Variants in SUPT3H observed in about 807,000 individuals in gnomAD.
SUPT3H encodes SPT3 homolog, SAGA and STAGA complex component.
A neutral mutation model predicts 44.3 loss-of-function variants in SUPT3H; 44 were observed. That is an observed-to-expected ratio of 0.99 (90% CI 0.78 to 1.28). The LOEUF is 1.28. Ranked by LOEUF, SUPT3H falls within the 50% of genes most tolerant of loss-of-function variation. The probability of loss-of-function intolerance (pLI) is 0.00; values close to 1 mark genes in which losing one functional copy is unlikely to be tolerated. For synonymous variants in SUPT3H, 124 were observed against 125.6 expected (o/e 0.99, Z 0.09); for missense variants, 380 against 387.1 (o/e 0.98, Z 0.15).
At chr6:44,843,224 A>T (rs903736879) in intron 10 of SUPT3H, among the ~76,000 whole-genome samples, 4 of 152,214 alleles carry the variant, frequency 2.6e-5, no homozygotes, top group Non-Finnish European at 4.4e-5. Context: ...ACATACACAA[A>T]AATAGACAGG....
chr6:45,238,903 G>A (rs1769743257), intron 2 of SUPT3H, among the ~76,000 whole-genome samples: 1 of 152,088 alleles, frequency 6.6e-6, no homozygotes, highest in Non-Finnish European at 1.5e-5. Flanking sequence ...TTCCTAAAAT[G>A]AACTGTTTCA....
intron 10 of SUPT3H, among the ~76,000 whole-genome samples, chr6:44,923,623 A>G (rs1769073714): frequency 2.6e-5 from 4 of 152,104 alleles, no homozygotes; most frequent in African/African-American, 9.7e-5. Flanking sequence ...TGAAAGCAGG[A>G]AAGAGTAAAA....
chr6:45,053,537 G>A (rs1012915843), intron 3 of SUPT3H, among the ~76,000 whole-genome samples: 4 of 151,682 alleles, frequency 2.6e-5, no homozygotes, highest in African/African-American at 9.7e-5. Flanking sequence ...GAAAATAGCA[G>A]AGGCAGAAAG....
intron 2 of SUPT3H, among the ~76,000 whole-genome samples, chr6:45,172,052 G>A (rs1302295568): frequency 1.4e-5 from 2 of 146,824 alleles, no homozygotes; most frequent in East Asian, 4.1e-4. Flanking sequence ...CATTCCAATG[G>A]AATATGGTCA....
intron 10 of SUPT3H, among the ~76,000 whole-genome samples, chr6:44,892,148 AACTGT>A (rs1763405597): frequency 6.6e-6 from 1 of 152,180 alleles, no homozygotes; most frequent in Non-Finnish European, 1.5e-5. Context: ...CTATGGACTG[AACTGT>A]ATCCTTCCAA....
intron 10 of SUPT3H, among the ~76,000 whole-genome samples, chr6:44,917,343 G>A (rs1767974178): frequency 6.6e-6 from 1 of 152,044 alleles, no homozygotes; most frequent in Non-Finnish European, 1.5e-5. Context: ...ATTTGAGACT[G>A]TATACACATA....
intron 5 of SUPT3H, among the ~76,000 whole-genome samples, chr6:45,004,165 T>G (rs1782386564): frequency 6.6e-6 from 1 of 152,022 alleles, no homozygotes; most frequent in African/African-American, 2.4e-5. Context: ...TGAGTAAGGA[T>G]ATGCTAGGCA....
intron 2 of SUPT3H, among the ~76,000 whole-genome samples, chr6:45,146,461 A>G (rs952489245): frequency 3.9e-5 from 6 of 152,126 alleles, no homozygotes; most frequent in African/African-American, 1.4e-4. Flanking sequence ...GGGATAAAAG[A>G]GTATACACTG....
chr6:45,134,343 T>C (rs1803947890), intron 2 of SUPT3H, among the ~76,000 whole-genome samples: 1 of 152,218 alleles, frequency 6.6e-6, no homozygotes, highest in South Asian at 2.1e-4. Flanking sequence ...CGCAATACTG[T>C]TGCATTGGGA....
intron 2 of SUPT3H, among the ~76,000 whole-genome samples, chr6:45,350,743 GCT>G (rs1227125106): frequency 6.6e-6 from 1 of 152,130 alleles, no homozygotes; most frequent in Admixed American, 6.5e-5. Flanking sequence ...TTAAGGATAA[GCT>G]CTTTTTGTCA....
At chr6:45,377,416 AT>A (rs1796952851) in intron 1 of SUPT3H, 1 of 151,804 alleles carries the variant, frequency 6.6e-6, no homozygotes, top group African/African-American at 2.4e-5. Context: ...TCCCTCTTTA[AT>A]GATTCCTCCG....
At chr6:44,886,348 T>C (rs1222616714) in intron 10 of SUPT3H, among the ~76,000 whole-genome samples, 1 of 151,722 alleles carries the variant, frequency 6.6e-6, no homozygotes, top group Non-Finnish European at 1.5e-5. Flanking sequence ...AAGGAAAAAA[T>C]GTTAAGGGCA....
intron 2 of SUPT3H, among the ~76,000 whole-genome samples, chr6:45,270,527 T>C (rs1436937771): frequency 6.6e-6 from 1 of 152,202 alleles, no homozygotes; most frequent in Non-Finnish European, 1.5e-5. Flanking sequence ...CAGCCAACCA[T>C]GTAGCACGGG....
chr6:45,296,763 A>AAAAAAAAAAAG (rs773626169), intron 2 of SUPT3H, among the ~76,000 whole-genome samples: 2 of 125,034 alleles, frequency 1.6e-5, no homozygotes, highest in Non-Finnish European at 3.5e-5. Context: ...AAAAAAAAAA[A>AAAAAAAAAAAG]ATTACAAATA....
intron 10 of SUPT3H, among the ~76,000 whole-genome samples, chr6:44,845,629 A>G (rs965658364): frequency 6.6e-6 from 1 of 152,032 alleles, no homozygotes; most frequent in African/African-American, 2.4e-5. Flanking sequence ...GCCTATAAAA[A>G]CCTGAGACCC....
chr6:45,347,767 A>T (rs192736168), intron 2 of SUPT3H, among the ~76,000 whole-genome samples: 3,303 of 146,572 alleles, frequency 0.023, 38 homozygotes, highest in African/African-American at 0.026. Context: ...TCTTTTTTTT[A>T]AAAAAAAAAG....
At chr6:45,186,102 A>C (rs1342932503) in intron 2 of SUPT3H, among the ~76,000 whole-genome samples, 1 of 152,132 alleles carries the variant, frequency 6.6e-6, no homozygotes, top group Non-Finnish European at 1.5e-5. Flanking sequence ...GAACATCCAC[A>C]TCCTATCTGT....
chr6:45,255,446 T>G (rs953456844), intron 2 of SUPT3H, among the ~76,000 whole-genome samples: 2 of 133,256 alleles, frequency 1.5e-5, no homozygotes, highest in African/African-American at 5.6e-5. Flanking sequence ...TTCAGTCAGG[T>G]TCTCGCTCTC....
chr6:45,327,076 T>C (rs1418707759), intron 2 of SUPT3H, among the ~76,000 whole-genome samples: 1 of 151,942 alleles, frequency 6.6e-6, no homozygotes, highest in Non-Finnish European at 1.5e-5. Flanking sequence ...GCCTATGATA[T>C]ATAATCATCC....
Sources: gnomAD v4.1 joint callset for allele counts (sites outside exome capture counted in the v4.1 genomes callset) on GRCh38, gnomAD v4.1.1 for gene constraint, MANE v1.5 for transcripts, NCBI Gene and HGNC (gene_info 2026-07-23, HGNC 2026-07-21) for gene names.